The following B3GALT1 variants were observed in gnomAD, a reference collection of about 807,000 sequenced individuals.
B3GALT1 encodes the protein UDP-Gal:betaGlcNAc beta 1,3-galactosyltransferase, polypeptide 1.
In B3GALT1, 10 loss-of-function variants were observed where a neutral mutation model predicts 23.2. That is an observed-to-expected ratio of 0.43 (90% CI 0.27 to 0.73). B3GALT1 has a LOEUF of 0.73. Among genes scored for constraint, B3GALT1 ranks in the 30% least tolerant of loss-of-function variants. B3GALT1 has a pLI of 0.21. For missense variants in B3GALT1, 299 were observed against 405.4 expected (o/e 0.74, Z 2.25); for synonymous variants, 156 against 141.5 (o/e 1.10, Z -0.73).
intron 4 of B3GALT1, among the ~76,000 whole-genome samples, chr2:167,829,506 G>T (rs1165417512): frequency 6.6e-6 from 1 of 150,628 alleles, no homozygotes; most frequent in Non-Finnish European, 1.5e-5. Flanking sequence ...AAGAAAAGAA[G>T]AAGAAAGAAA....
In B3GALT1 at chr2:167,441,448, C is replaced by G. The variant is rs1352517514; in HGVS notation, c.-510-48729C>G. ...GCTGCCTCAGGTCTTGGGTTTGTTA[C>G]AAGGATCTTCTGAGAAGGCTCATTT... On this transcript the variant is annotated intron_variant, in intron 1 of 4. Coordinates refer to ENST00000392690, the MANE Select transcript of B3GALT1 (RefSeq NM_020981.4). Among the ~76,000 whole-genome samples the G allele has an allele frequency of 3.9e-5, 6 of 152,138 alleles. No homozygotes were observed. In the East Asian group the frequency reaches 1.2e-3, roughly 29 times the overall value.
chr2:167,531,135 A>G (rs1054740004), intron 2 of B3GALT1, among the ~76,000 whole-genome samples: 4 of 152,326 alleles, frequency 2.6e-5, no homozygotes, highest in East Asian at 3.9e-4. Context: ...CAAATGAGCA[A>G]TGGGAACTTT....
chr2:167,583,034 A>G (rs1684515783), intron 2 of B3GALT1, among the ~76,000 whole-genome samples: 1 of 152,168 alleles, frequency 6.6e-6, no homozygotes. Context: ...CCTGTTAGTA[A>G]GCATCTACCC....
chr2:167,322,500 A>G (rs938515892), intron 1 of B3GALT1, among the ~76,000 whole-genome samples: 1 of 152,050 alleles, frequency 6.6e-6, no homozygotes, highest in Non-Finnish European at 1.5e-5. Context: ...TTCTGAACAC[A>G]TGAATGTGCT....
intron 1 of B3GALT1, among the ~76,000 whole-genome samples, chr2:167,326,559 G>C (rs1189081489): frequency 6.6e-6 from 1 of 151,572 alleles, no homozygotes; most frequent in Non-Finnish European, 1.5e-5. Context: ...TAGATTTATA[G>C]TCTTGAGACT....
At chr2:167,697,846 T>C (rs975957063) in intron 3 of B3GALT1, among the ~76,000 whole-genome samples, 5 of 152,198 alleles carry the variant, frequency 3.3e-5, no homozygotes, top group Non-Finnish European at 7.3e-5. Context: ...GAAGTGGAAG[T>C]GAGCTAGGCG....
chr2:167,301,640 T>A (rs549182012), intron 1 of B3GALT1, among the ~76,000 whole-genome samples: 17 of 152,312 alleles, frequency 1.1e-4, no homozygotes, highest in African/African-American at 3.8e-4. Flanking sequence ...AACCTCTGCC[T>A]CCCAGGTTCA....
At chr2:167,774,195 T>G (rs1415010033) in intron 3 of B3GALT1, among the ~76,000 whole-genome samples, 4 of 152,212 alleles carry the variant, frequency 2.6e-5, no homozygotes, top group Non-Finnish European at 5.9e-5. Flanking sequence ...AAATCAACCA[T>G]GTGACCCAGT....
intron 3 of B3GALT1, among the ~76,000 whole-genome samples, chr2:167,816,784 A>G (rs1689000423): frequency 1.3e-5 from 2 of 152,202 alleles, no homozygotes; most frequent in African/African-American, 2.4e-5. Flanking sequence ...AGCTACCTCC[A>G]TTATTTTATC....
At chr2:167,855,789 A>C (rs1308759567) in intron 4 of B3GALT1, among the ~76,000 whole-genome samples, 1 of 152,118 alleles carries the variant, frequency 6.6e-6, no homozygotes, top group Non-Finnish European at 1.5e-5. Flanking sequence ...CCTAAATTCT[A>C]CTTCTACCAA....
intron 1 of B3GALT1, among the ~76,000 whole-genome samples, chr2:167,448,092 G>GA (rs1699029735): frequency 6.6e-6 from 1 of 152,134 alleles, no homozygotes; most frequent in Non-Finnish European, 1.5e-5. Context: ...CATGTGTGTG[G>GA]AAGTATCTTT....
At chr2:167,748,380 C>G (rs1348664344) in intron 3 of B3GALT1, among the ~76,000 whole-genome samples, 1 of 151,720 alleles carries the variant, frequency 6.6e-6, no homozygotes, top group Admixed American at 6.6e-5. Context: ...TTTCTGTTCC[C>G]CATTTCACTA....
At chr2:167,414,868 G>T (rs374995400) in intron 1 of B3GALT1, among the ~76,000 whole-genome samples, 47 of 152,098 alleles carry the variant, frequency 3.1e-4, no homozygotes, top group African/African-American at 1.1e-3. Context: ...ATGTTTATGA[G>T]CTATATTCCC....
chr2:167,845,968 T>C (rs780150877), intron 4 of B3GALT1, among the ~76,000 whole-genome samples: 63 of 152,124 alleles, frequency 4.1e-4, no homozygotes, highest in Admixed American at 1.6e-3. Flanking sequence ...CTCTGGAAAG[T>C]GTCACCAATA....
chr2:167,676,843 A>G (rs1226205582), intron 3 of B3GALT1, among the ~76,000 whole-genome samples: 1 of 152,138 alleles, frequency 6.6e-6, no homozygotes, highest in East Asian at 1.9e-4. Context: ...GGCCCCAATA[A>G]TTAATATTTA....
At chr2:167,310,602 G>A (rs1011949979) in intron 1 of B3GALT1, among the ~76,000 whole-genome samples, 4 of 152,004 alleles carry the variant, frequency 2.6e-5, no homozygotes, top group African/African-American at 9.7e-5. Flanking sequence ...GGCCTAAGTG[G>A]GAGTAGTGGT....
At chr2:167,588,857 C>T (rs576777826) in intron 2 of B3GALT1, among the ~76,000 whole-genome samples, 9 of 142,038 alleles carry the variant, frequency 6.3e-5, no homozygotes, top group Admixed American at 1.4e-4. Flanking sequence ...TTCCTTCCTT[C>T]CTTCCTTCTT....
At chr2:167,296,495 T>G (rs1252085046) in intron 1 of B3GALT1, among the ~76,000 whole-genome samples, 1 of 152,130 alleles carries the variant, frequency 6.6e-6, no homozygotes, top group Non-Finnish European at 1.5e-5. Context: ...TTTCTTTCGC[T>G]CTCTCTCACC....
chr2:167,626,612 G>A (rs921127688), intron 2 of B3GALT1, among the ~76,000 whole-genome samples: 2 of 151,302 alleles, frequency 1.3e-5, no homozygotes, highest in African/African-American at 2.4e-5. Context: ...CCAAAACAGG[G>A]AAATATATTT....
Sources: allele counts gnomAD v4.1 joint callset (sites outside exome capture counted in the v4.1 genomes callset), GRCh38; gene constraint gnomAD v4.1.1; transcripts MANE v1.5; gene names NCBI Gene and HGNC (gene_info 2026-07-23, HGNC 2026-07-21).